Variants in CTNNA2 observed in about 807,000 individuals in gnomAD.
CTNNA2 encodes catenin alpha-2.
CTNNA2 carries 42 observed loss-of-function variants against 101.0 expected under a neutral mutation model. The observed-to-expected ratio is 0.42, with a 90% CI of 0.32 to 0.54. CTNNA2 has a LOEUF of 0.54. CTNNA2 is among the 20% of genes least tolerant of loss of function. CTNNA2 has a pLI of 0.14. For missense variants in CTNNA2, 871 were observed against 1,223.1 expected (o/e 0.71, Z 4.29); for synonymous variants, 450 against 456.4 (o/e 0.99, Z 0.18).
intron 2 of CTNNA2, among the ~76,000 whole-genome samples, chr2:79,672,864 C>G (rs985357382): frequency 1.3e-5 from 2 of 151,926 alleles, no homozygotes; most frequent in Non-Finnish European, 2.9e-5. Context: ...CGCCTGCCAC[C>G]ATGCCCAGCT....
At chr2:79,373,223 T>G (rs1677911964) in intron 3 of CTNNA2, among the ~76,000 whole-genome samples, 1 of 152,194 alleles carries the variant, frequency 6.6e-6, no homozygotes, top group Non-Finnish European at 1.5e-5. Flanking sequence ...TGGCTAAAGA[T>G]TGCATCTTTA....
chr2:79,884,696 A>G (rs1241245188), intron 6 of CTNNA2, among the ~76,000 whole-genome samples: 10 of 149,292 alleles, frequency 6.7e-5, no homozygotes, highest in Non-Finnish European at 1.5e-5. Flanking sequence ...AATTTTCCCT[A>G]CCTGCCTTTA....
intron 4 of CTNNA2, among the ~76,000 whole-genome samples, chr2:79,395,251 A>G (rs1678216672): frequency 6.6e-6 from 1 of 152,002 alleles, no homozygotes; most frequent in East Asian, 1.9e-4. Context: ...CTTTTTTATT[A>G]TTATTATACT....
At chr2:80,376,614 T>A (rs907675545) in intron 7 of CTNNA2, among the ~76,000 whole-genome samples, 1 of 152,156 alleles carries the variant, frequency 6.6e-6, no homozygotes, top group Non-Finnish European at 1.5e-5. Flanking sequence ...CTCTAGACTT[T>A]GCATCATGGT....
intron 3 of CTNNA2, among the ~76,000 whole-genome samples, chr2:79,324,638 T>A (rs528254059): frequency 2.0e-5 from 3 of 152,066 alleles, no homozygotes; most frequent in African/African-American, 7.2e-5. Flanking sequence ...CCCAGGAAAC[T>A]GAGCATTTCT....
At chr2:80,043,908 AGT>A (rs931994769) in intron 7 of CTNNA2, among the ~76,000 whole-genome samples, 2 of 152,098 alleles carry the variant, frequency 1.3e-5, no homozygotes, top group African/African-American at 4.8e-5. Flanking sequence ...GGTGTATGTG[AGT>A]GTGTGTGTGT....
At chr2:80,629,051 G>A (rs1671998147) in intron 18 of CTNNA2, among the ~76,000 whole-genome samples, 1 of 152,138 alleles carries the variant, frequency 6.6e-6, no homozygotes, top group Non-Finnish European at 1.5e-5. Context: ...AGGATTAATG[G>A]TATTGATGTG....
intron 7 of CTNNA2, among the ~76,000 whole-genome samples, chr2:80,190,115 G>A (rs1706396480): frequency 3.3e-5 from 5 of 151,902 alleles, no homozygotes; most frequent in Admixed American, 3.3e-4. Flanking sequence ...AAAGCCATCA[G>A]TATCATGATT....
At chr2:80,097,035 T>C (rs372131568) in intron 7 of CTNNA2, among the ~76,000 whole-genome samples, 1 of 152,200 alleles carries the variant, frequency 6.6e-6, no homozygotes, top group East Asian at 1.9e-4. Flanking sequence ...ATGTGTGAAT[T>C]TGATCCTGTC....
At chr2:80,223,930 G>A (rs942062322) in intron 7 of CTNNA2, among the ~76,000 whole-genome samples, 6 of 152,128 alleles carry the variant, frequency 3.9e-5, no homozygotes, top group Non-Finnish European at 7.4e-5. Context: ...TATGCATTAC[G>A]GGTAGTAAAG....
chr2:79,909,379 A>G (rs1205687209), intron 6 of CTNNA2, among the ~76,000 whole-genome samples: 2 of 152,236 alleles, frequency 1.3e-5, no homozygotes, highest in Non-Finnish European at 2.9e-5. Context: ...ATATTCTTCA[A>G]ATAAGATGTG....
intron 9 of CTNNA2, among the ~76,000 whole-genome samples, chr2:80,475,546 A>T (rs762846432): frequency 7.2e-5 from 11 of 152,176 alleles, no homozygotes; most frequent in Non-Finnish European, 1.3e-4. Context: ...TTGTGTGGGC[A>T]TCAGGAAATC....
At chr2:79,715,374 C>G (rs1222343047) in intron 2 of CTNNA2, among the ~76,000 whole-genome samples, 2 of 152,072 alleles carry the variant, frequency 1.3e-5, no homozygotes, top group Non-Finnish European at 2.9e-5. Context: ...TATGGTAGAT[C>G]TAGGACCAAC....
At chr2:79,248,543 A>G (rs961846679) in intron 2 of CTNNA2, among the ~76,000 whole-genome samples, 1 of 152,174 alleles carries the variant, frequency 6.6e-6, no homozygotes, top group Non-Finnish European at 1.5e-5. Flanking sequence ...AGGGGCTACC[A>G]TATTGAGGAG....
chr2:80,542,543 G>T (rs1304573676), intron 9 of CTNNA2, among the ~76,000 whole-genome samples: 2 of 151,706 alleles, frequency 1.3e-5, no homozygotes, highest in Non-Finnish European at 2.9e-5. Flanking sequence ...TGATGACTTG[G>T]TCTGGATCCA....
At chr2:80,279,437 A>G (rs939897070) in intron 7 of CTNNA2, among the ~76,000 whole-genome samples, 1 of 152,198 alleles carries the variant, frequency 6.6e-6, no homozygotes, top group African/African-American at 2.4e-5. Context: ...GTGATCATAG[A>G]AAAACCGTTT....
At chr2:79,816,078 G>C (rs1029927812) in intron 3 of CTNNA2, among the ~76,000 whole-genome samples, 50 of 152,122 alleles carry the variant, frequency 3.3e-4, no homozygotes, top group African/African-American at 1.2e-3. Flanking sequence ...GTATAGAAGA[G>C]CTACTGATTT....
chr2:80,338,387 G>T (rs1014986480), intron 7 of CTNNA2, among the ~76,000 whole-genome samples: 3 of 151,668 alleles, frequency 2.0e-5, no homozygotes, highest in African/African-American at 4.8e-5. Flanking sequence ...TCTTTCTGTG[G>T]GAACTCCAGA....
At chr2:79,987,681 AGTT>A (rs759882142) in intron 7 of CTNNA2, among the ~76,000 whole-genome samples, 101 of 152,276 alleles carry the variant, frequency 6.6e-4, no homozygotes, top group Non-Finnish European at 1.3e-3. Flanking sequence ...ATGACTGTAG[AGTT>A]GTTATGTGGC....
Sources: allele counts gnomAD v4.1 joint callset (sites outside exome capture counted in the v4.1 genomes callset), GRCh38; gene constraint gnomAD v4.1.1; transcripts MANE v1.5; gene names NCBI Gene and HGNC (gene_info 2026-07-23, HGNC 2026-07-21).